Variants in BLTP1 observed in about 807,000 individuals in gnomAD.
BLTP1 encodes the protein bridge-like lipid transfer protein family member 1.
the BLTP1 span, among the ~76,000 whole-genome samples, chr4:122,311,698 G>T: frequency 1.3e-5 from 2 of 152,124 alleles, no homozygotes; most frequent in Non-Finnish European, 2.9e-5. Context: ...TTCAAAGAAC[G>T]ATTTAAGTAG....
At chr4:122,272,591 C>A in the BLTP1 span, among the ~76,000 whole-genome samples, 3 of 151,892 alleles carry the variant, frequency 2.0e-5, no homozygotes, top group Non-Finnish European at 4.4e-5. Flanking sequence ...TGAATTGAGG[C>A]AGCTTTGATG....
At chr4:122,315,387 C>T in the BLTP1 span, 1 of 1,575,134 alleles carries the variant, frequency 6.3e-7, no homozygotes, top group South Asian at 1.1e-5. Context: ...TATATGTGGC[C>T]ATTATTACTT....
the BLTP1 span, among the ~76,000 whole-genome samples, chr4:122,166,781 G>A: frequency 1.3e-5 from 2 of 152,046 alleles, no homozygotes; most frequent in African/African-American, 4.8e-5. Flanking sequence ...CCTTGAAGAG[G>A]TCCTTCACAT....
chr4:122,287,784 A>G, the BLTP1 span: 2 of 783,238 alleles, frequency 2.6e-6, no homozygotes, highest in Non-Finnish European at 1.5e-6. Context: ...AAGTGTACGA[A>G]AAAATAGTGT....
the BLTP1 span, chr4:122,224,073 C>T: frequency 1.0e-6 from 1 of 982,728 alleles, no homozygotes; most frequent in South Asian, 4.7e-5. Flanking sequence ...CTTTTCCCCA[C>T]CATTCTTCAT....
At chr4:122,315,710 A>AT in the BLTP1 span, 1 of 1,610,426 alleles carries the variant, frequency 6.2e-7, no homozygotes, top group Non-Finnish European at 8.5e-7. Flanking sequence ...CACTGTTAGA[A>AT]TTTTTCAGGA....
At chr4:122,282,529 C>T in the BLTP1 span, among the ~76,000 whole-genome samples, 1 of 152,244 alleles carries the variant, frequency 6.6e-6, no homozygotes, top group East Asian at 1.9e-4. Context: ...GTAATCCCAG[C>T]TACTCAGGAA....
chr4:122,317,240 G>C, the BLTP1 span, among the ~76,000 whole-genome samples: 1 of 152,026 alleles, frequency 6.6e-6, no homozygotes, highest in Non-Finnish European at 1.5e-5. Context: ...GCTGAGGCAG[G>C]AGAATCGCTT....
At chr4:122,321,103 T>C in the BLTP1 span, among the ~76,000 whole-genome samples, 5 of 152,132 alleles carry the variant, frequency 3.3e-5, no homozygotes, top group East Asian at 5.8e-4. Flanking sequence ...AAATGACTTA[T>C]GATATCTTCA....
At chr4:122,327,987 C>A in the BLTP1 span, 1 of 775,024 alleles carries the variant, frequency 1.3e-6, no homozygotes, top group Non-Finnish European at 1.9e-6. Context: ...ACCTTTCTTT[C>A]AGTTCAGAGT....
At chr4:122,171,248 C>T in the BLTP1 span, among the ~76,000 whole-genome samples, 1 of 151,840 alleles carries the variant, frequency 6.6e-6, no homozygotes, top group South Asian at 2.1e-4. Context: ...ATAGAAATAG[C>T]TTAAACTAAA....
chr4:122,326,050 T>C, the BLTP1 span: 2 of 222,244 alleles, frequency 9.0e-6, no homozygotes, highest in South Asian at 1.4e-4. Flanking sequence ...GGTTTAAGAC[T>C]GTTTGAATCT....
At chr4:122,307,502 A>G in the BLTP1 span, 9 of 985,220 alleles carry the variant, frequency 9.1e-6, no homozygotes, top group African/African-American at 1.7e-5. Flanking sequence ...GTTTCTGTTT[A>G]ACAAACTCAA....
chr4:122,314,102 G>A, the BLTP1 span: 1 of 984,084 alleles, frequency 1.0e-6, no homozygotes, highest in East Asian at 1.1e-4. Flanking sequence ...ACTGGGATCA[G>A]AGAAAACTTC....
At chr4:122,208,516 C>G in the BLTP1 span, 29 of 944,524 alleles carry the variant, frequency 3.1e-5, no homozygotes, top group Admixed American at 1.8e-3. Flanking sequence ...TCAAATGAGA[C>G]AATACTATCT....
chr4:122,208,309 C>T, the BLTP1 span: 1 of 749,224 alleles, frequency 1.3e-6, no homozygotes, highest in South Asian at 6.1e-5. Context: ...CATCATACAA[C>T]TAGAGAGTTA....
At chr4:122,339,184 C>G in the BLTP1 span, 1 of 1,603,544 alleles carries the variant, frequency 6.2e-7, no homozygotes, top group Non-Finnish European at 8.5e-7. Context: ...TCCTAGAAAC[C>G]TTTTGCTGTC....
At chr4:122,358,375 T>G in the BLTP1 span, among the ~76,000 whole-genome samples, 2 of 152,346 alleles carry the variant, frequency 1.3e-5, no homozygotes, top group Middle Eastern at 3.4e-3. Flanking sequence ...TAATATAAAC[T>G]GTTATAAAAC....
At chr4:122,170,088 C>T in the BLTP1 span, 2 of 665,882 alleles carry the variant, frequency 3.0e-6, no homozygotes, top group Non-Finnish European at 1.9e-6. Flanking sequence ...AGGCGGATCA[C>T]CTGATGTCAG....
Sources: allele counts gnomAD v4.1 joint callset (sites outside exome capture counted in the v4.1 genomes callset), GRCh38; gene constraint gnomAD v4.1.1; transcripts MANE v1.5; gene names NCBI Gene and HGNC (gene_info 2026-07-23, HGNC 2026-07-21).